The following CLYBL variants were observed in gnomAD, a reference collection of about 807,000 sequenced individuals.
CLYBL encodes citramalyl-CoA lyase.
A neutral mutation model predicts 38.9 loss-of-function variants in CLYBL; 31 were observed. The ratio of observed to expected loss-of-function variants is 0.80; its 90% CI spans 0.60 to 1.08. CLYBL has a LOEUF of 1.08. Ranked by LOEUF, CLYBL falls within the 50% of genes least tolerant of loss-of-function variation. The pLI, the probability that CLYBL is intolerant of heterozygous loss-of-function variation, is 0.00. For missense variants in CLYBL, 434 were observed against 411.6 expected (o/e 1.05, Z -0.47); for synonymous variants, 171 against 158.6 (o/e 1.08, Z -0.59).
At chr13:99,615,882 GGAGT>G (rs2046700885) in intron 1 of CLYBL, among the ~76,000 whole-genome samples, 1 of 152,138 alleles carries the variant, frequency 6.6e-6, no homozygotes, top group South Asian at 2.1e-4. Flanking sequence ...CGCTCAGGCT[GGAGT>G]GCAGTGGCAC....
chr13:99,711,499 C>T (rs1393257197), intron 1 of CLYBL, among the ~76,000 whole-genome samples: 9 of 150,306 alleles, frequency 6.0e-5, no homozygotes, highest in Non-Finnish European at 7.4e-5. Flanking sequence ...CTCCACTTCC[C>T]GGGTTCAAGC....
chr13:99,805,215 C>T (rs2050208402), intron 2 of CLYBL, among the ~76,000 whole-genome samples: 1 of 152,080 alleles, frequency 6.6e-6, no homozygotes, highest in African/African-American at 2.4e-5. Context: ...ATATTGTTGC[C>T]ATGAACATGG....
chr13:99,811,470 T>C (rs577921266), intron 2 of CLYBL, among the ~76,000 whole-genome samples: 9 of 152,230 alleles, frequency 5.9e-5, no homozygotes, highest in African/African-American at 1.7e-4. Context: ...CCAAAATCAA[T>C]GTCCCTGTTA....
intron 1 of CLYBL, among the ~76,000 whole-genome samples, chr13:99,650,262 CA>C (rs58278317): frequency 2.7e-5 from 4 of 148,532 alleles, no homozygotes; most frequent in South Asian, 2.1e-4. Context: ...GACTCCGTCT[CA>C]AAAAAAAAAT....
chr13:99,786,327 G>A (rs1008494204), intron 2 of CLYBL, among the ~76,000 whole-genome samples: 2 of 151,374 alleles, frequency 1.3e-5, no homozygotes, highest in South Asian at 4.2e-4. Flanking sequence ...ATTTACATTA[G>A]GTATATTTCC....
chr13:99,705,527 C>T (rs1290978019), intron 1 of CLYBL, among the ~76,000 whole-genome samples: 1 of 151,892 alleles, frequency 6.6e-6, no homozygotes, highest in African/African-American at 2.4e-5. Context: ...TTGCAGTGAG[C>T]CAAGATTGTG....
intron 7 of CLYBL, among the ~76,000 whole-genome samples, chr13:99,888,884 C>T (rs767572653): frequency 4.6e-5 from 7 of 152,116 alleles, no homozygotes; most frequent in Non-Finnish European, 4.4e-5. Flanking sequence ...CACCTATAGA[C>T]CCACATGTTA....
chr13:99,679,229 G>C (rs922585868), intron 1 of CLYBL, among the ~76,000 whole-genome samples: 1 of 151,086 alleles, frequency 6.6e-6, no homozygotes, highest in Non-Finnish European at 1.5e-5. Flanking sequence ...GGGAGGTGGA[G>C]GTTGCAGTAA....
At chr13:99,637,517 T>C (rs1335442156) in intron 1 of CLYBL, among the ~76,000 whole-genome samples, 1 of 152,132 alleles carries the variant, frequency 6.6e-6, no homozygotes, top group Non-Finnish European at 1.5e-5. Flanking sequence ...TCCTAACACT[T>C]TGGGAGGCCG....
At chr13:99,807,326 T>G (rs944205369) in intron 2 of CLYBL, among the ~76,000 whole-genome samples, 1 of 152,156 alleles carries the variant, frequency 6.6e-6, no homozygotes, top group Non-Finnish European at 1.5e-5. Context: ...GAAGGTCTGA[T>G]TTGACGCAGA....
chr13:99,768,247 G>A (rs1179127273), intron 1 of CLYBL, among the ~76,000 whole-genome samples: 2 of 134,408 alleles, frequency 1.5e-5, no homozygotes, highest in African/African-American at 5.6e-5. Flanking sequence ...AGGCTGGAGT[G>A]CAAACGGTGC....
rs560149575 is a variant in CLYBL, at chr13:99,794,717, G to A, written c.249+21707G>A. On this transcript the variant is annotated intron_variant, in intron 2 of 8. Coordinates refer to ENST00000339105, the MANE Select transcript of CLYBL (RefSeq NM_206808.5). ...ACCAATTCTCATGCCTCAGCCTCCC[G>A]AGTAGTTGGGATTACAGGCATGTGC... 5.1e-4 allele frequency among the ~76,000 whole-genome samples: 78 copies of A among 151,560 alleles called. 1 individual carries two copies. Among genetic ancestry groups the A allele is most frequent in the African/African-American group, 1.8e-3 (74 of 41,332 alleles).
chr13:99,842,712 T>TA (rs201031083), intron 2 of CLYBL, among the ~76,000 whole-genome samples: 8,824 of 108,614 alleles, frequency 0.081, 283 homozygotes, highest in East Asian at 0.34. Context: ...GCCCTTTTTT[T>TA]TAAAAAAAAA....
intron 1 of CLYBL, among the ~76,000 whole-genome samples, chr13:99,632,098 G>A (rs2046954628): frequency 6.6e-6 from 1 of 152,142 alleles, no homozygotes; most frequent in Admixed American, 6.5e-5. Flanking sequence ...ATGTTAGAGG[G>A]CAGAGGTAGA....
intron 1 of CLYBL, among the ~76,000 whole-genome samples, chr13:99,610,019 C>G (rs763665414): frequency 2.6e-5 from 4 of 152,210 alleles, no homozygotes; most frequent in Non-Finnish European, 4.4e-5. Context: ...CCTCCTGCCT[C>G]AGCCTCCCCA....
At chr13:99,798,108 G>A (rs533119906) in intron 2 of CLYBL, among the ~76,000 whole-genome samples, 1 of 152,050 alleles carries the variant, frequency 6.6e-6, no homozygotes, top group East Asian at 1.9e-4. Flanking sequence ...GAGTTTCTCT[G>A]TTCCCATCTG....
chr13:99,725,884 T>A (rs1486968075), intron 1 of CLYBL, among the ~76,000 whole-genome samples: 1 of 152,186 alleles, frequency 6.6e-6, no homozygotes, highest in African/African-American at 2.4e-5. Context: ...CTCCTGTTAA[T>A]CCAGCTACTG....
At position 99,646,675 on chromosome 13, in the gene CLYBL, G is replaced by A. The variant is rs559467297; in HGVS notation, c.62+39918G>A. ...TTGCAGGTGCCCGCTACCACACCTGGCTAATTTTTTTTTTTTTTTTTTGTA... is the reference window on the plus strand; with the variant it reads ...TTGCAGGTGCCCGCTACCACACCTGACTAATTTTTTTTTTTTTTTTTTGTA... On this transcript the variant is annotated intron_variant, in intron 1 of 8. Transcript: ENST00000339105. Among the ~76,000 whole-genome samples, 6 of 141,420 alleles carry A rather than the reference G, an allele frequency of 4.2e-5. No homozygotes were observed. In the East Asian group the frequency reaches 1.2e-3, roughly 29 times the overall value. 92.8% of individuals were successfully genotyped at this position (141,420 alleles called of 152,430 possible).
In CLYBL at chr13:99,670,094, G is replaced by A. The variant is rs750996214; in HGVS notation, c.62+63337G>A. On this transcript the variant is annotated intron_variant, in intron 1 of 8. Transcript: ENST00000339105. ...TGCACCTGTAGTCCCAGCTACTCAA[G>A]AGGCTGAGGTATGAGAATTGCTTGA... 2.7e-4 allele frequency among the ~76,000 whole-genome samples: 41 copies of A among 152,198 alleles called. No individual in the cohort carries two copies. In the East Asian group the frequency reaches 6.6e-3, roughly 24 times the overall value.
Sources: gnomAD v4.1 joint callset for allele counts (sites outside exome capture counted in the v4.1 genomes callset) on GRCh38, gnomAD v4.1.1 for gene constraint, MANE v1.5 for transcripts, NCBI Gene and HGNC (gene_info 2026-07-23, HGNC 2026-07-21) for gene names.